Variants in DDR2 observed in about 807,000 individuals in gnomAD.
The protein encoded by DDR2 is discoidin domain-containing receptor 2.
Under a neutral mutation model 94.9 loss-of-function variants are expected in DDR2, and 27 were observed. The ratio of observed to expected loss-of-function variants is 0.28; its 90% CI spans 0.21 to 0.39. The LOEUF is 0.39. Among genes scored for constraint, DDR2 ranks in the 10% least tolerant of loss-of-function variants. DDR2 has a pLI of 1.00. For synonymous variants in DDR2, 382 were observed against 377.2 expected (o/e 1.01, Z -0.15); for missense variants, 783 against 1,076.0 (o/e 0.73, Z 3.81).
intron 1 of DDR2, among the ~76,000 whole-genome samples, chr1:162,645,712 G>A (rs971522068): frequency 6.6e-6 from 1 of 152,144 alleles, no homozygotes; most frequent in Non-Finnish European, 1.5e-5. Context: ...CATAAGTTCA[G>A]GAAAATAAGA....
rs1046760626 is a variant in DDR2 at position 162,684,098 on chromosome 1, T to C, written c.-28+28724T>C. On this transcript the variant is annotated intron_variant, in intron 2 of 17. Coordinates refer to ENST00000367921, the MANE Select transcript of DDR2 (RefSeq NM_006182.4). ...ATAGACCCACACAAATACACCTCTG[T>C]GTTGCCTTATTTTTCAGAAAAGCTC... 5.9e-5 allele frequency among the ~76,000 whole-genome samples: 9 copies of C among 152,198 alleles called. No homozygotes were observed. The South Asian group carries it at 8.3e-4, about 14-fold the overall frequency.
chr1:162,728,184 A>ATATATATATAGATAGATATATCTT (rs1553248739), intron 3 of DDR2, among the ~76,000 whole-genome samples: 141 of 140,494 alleles, frequency 1.0e-3, no homozygotes, highest in African/African-American at 3.6e-3. Context: ...ATATCTCTTT[A>ATATATATATAGATAGATATATCTT]TATATATATA....
intron 3 of DDR2, among the ~76,000 whole-genome samples, chr1:162,729,217 G>C (rs1251185024): frequency 6.7e-6 from 1 of 148,626 alleles, no homozygotes; most frequent in South Asian, 2.1e-4. Context: ...TAACAGTCCT[G>C]AACTCTGGCC....
chr1:162,749,152 G>T (rs1370976911), intron 3 of DDR2, among the ~76,000 whole-genome samples: 1 of 152,026 alleles, frequency 6.6e-6, no homozygotes, highest in African/African-American at 2.4e-5. Context: ...AAATAACTAA[G>T]ATCAGAGCAG....
intron 2 of DDR2, among the ~76,000 whole-genome samples, chr1:162,694,305 C>T (rs547824322): frequency 8.5e-5 from 13 of 152,216 alleles, no homozygotes; most frequent in Non-Finnish European, 1.6e-4. Flanking sequence ...GGTCTCATAT[C>T]TTTCTGCTTT....
At chr1:162,726,099 G>A (rs988462011) in intron 3 of DDR2, among the ~76,000 whole-genome samples, 34 of 152,296 alleles carry the variant, frequency 2.2e-4, no homozygotes, top group African/African-American at 7.9e-4. Context: ...CTTAAGGGCT[G>A]TTAGGAAGAG....
chr1:162,638,869 T>C (rs969605750), intron 1 of DDR2, among the ~76,000 whole-genome samples: 1 of 152,152 alleles, frequency 6.6e-6, no homozygotes, highest in African/African-American at 2.4e-5. Context: ...AACGCTAAAA[T>C]AGTATCAATG....
At chr1:162,766,693 G>C (rs1324796318) in intron 10 of DDR2, among the ~76,000 whole-genome samples, 1 of 152,118 alleles carries the variant, frequency 6.6e-6, no homozygotes, top group Admixed American at 6.5e-5. Flanking sequence ...CACATGGAGA[G>C]GGGGAGACTA....
chr1:162,772,158 C>T lies in DDR2; in HGVS notation c.1639C>T (p.Leu547=), dbSNP rs2102186294. ...CTCAGTGCCTGCCGTCACCATGGACCTGCTCTCAGGAAAAGATGTGGCTGT... is the reference window on the plus strand; with the variant it reads ...CTCAGTGCCTGCCGTCACCATGGACTTGCTCTCAGGAAAAGATGTGGCTGT... The part of the protein sequence containing the change: ...TYSVPAVTMD[L]LSGKDVAVEE... The change falls in exon 13 of 18, where the codon CTG becomes TTG. Residue 547 remains leucine, a synonymous_variant. Coordinates refer to ENST00000367921, the MANE Select transcript of DDR2 (RefSeq NM_006182.4). The T allele has an allele frequency of 6.2e-7, 1 of 1,614,222 alleles. No homozygotes were observed. The highest frequency in any genetic ancestry group is 8.5e-7 in the Non-Finnish European group (1 of 1,180,038).
At chr1:162,751,913 G>A (rs780247903) in intron 3 of DDR2, among the ~76,000 whole-genome samples, 8 of 152,118 alleles carry the variant, frequency 5.3e-5, no homozygotes, top group East Asian at 1.9e-4. Context: ...GCCAAGCACC[G>A]CATGTTCTCA....
chr1:162,740,045 A>G (rs958591186), intron 3 of DDR2, among the ~76,000 whole-genome samples: 5 of 151,864 alleles, frequency 3.3e-5, no homozygotes, highest in African/African-American at 1.2e-4. Context: ...CCTTATTTAC[A>G]TCTATCTCTA....
chr1:162,676,454 G>A (rs1659131363), intron 2 of DDR2, among the ~76,000 whole-genome samples: 1 of 152,160 alleles, frequency 6.6e-6, no homozygotes, highest in Admixed American at 6.5e-5. Flanking sequence ...GAGAAAATAT[G>A]TTATGTATCA....
At chr1:162,654,282 C>CA (rs372289674) in intron 1 of DDR2, among the ~76,000 whole-genome samples, 13 of 151,902 alleles carry the variant, frequency 8.6e-5, no homozygotes, top group African/African-American at 3.1e-4. Context: ...CTGGTCTCTA[C>CA]AAAAAATACA....
At chr1:162,723,242 G>A (rs940579063) in intron 3 of DDR2, among the ~76,000 whole-genome samples, 17 of 152,122 alleles carry the variant, frequency 1.1e-4, no homozygotes, top group African/African-American at 4.1e-4. Context: ...GAACATTTGG[G>A]GCTCCTGGTG....
intron 2 of DDR2, among the ~76,000 whole-genome samples, chr1:162,672,215 T>C (rs1274307544): frequency 1.3e-5 from 2 of 152,230 alleles, no homozygotes; most frequent in Non-Finnish European, 2.9e-5. Flanking sequence ...TCTGTGCTTC[T>C]ATTATTTCAT....
At chr1:162,719,169 T>C in intron 3 of DDR2, 24 bp downstream of exon 3, 3 of 1,613,616 alleles carry the variant, frequency 1.9e-6, no homozygotes, top group Non-Finnish European at 2.5e-6. Context: ...TACTCAGCTA[T>C]ATGCTAGAAG....
intron 2 of DDR2, among the ~76,000 whole-genome samples, chr1:162,665,433 T>C (rs1658501193): frequency 6.6e-6 from 1 of 152,124 alleles, no homozygotes; most frequent in South Asian, 2.1e-4. Flanking sequence ...GCACCTTGTC[T>C]CAGGTTCCCA....
intron 1 of DDR2, among the ~76,000 whole-genome samples, chr1:162,647,449 A>G (rs1171242390): frequency 1.3e-5 from 2 of 152,206 alleles, no homozygotes; most frequent in African/African-American, 4.8e-5. Context: ...CACGTGAGAA[A>G]GAGTTCTGGG....
intron 2 of DDR2, among the ~76,000 whole-genome samples, chr1:162,685,451 A>G (rs1426255654): frequency 6.6e-6 from 1 of 152,196 alleles, no homozygotes; most frequent in African/African-American, 2.4e-5. Context: ...AGAGTGATTT[A>G]CAAACTAGCT....
Sources: gnomAD v4.1 joint callset for allele counts (sites outside exome capture counted in the v4.1 genomes callset) on GRCh38, gnomAD v4.1.1 for gene constraint, MANE v1.5 for transcripts, NCBI Gene and HGNC (gene_info 2026-07-23, HGNC 2026-07-21) for gene names.